The following TRAF5 variants were observed in gnomAD, a reference collection of about 807,000 sequenced individuals.
TRAF5 encodes TNF receptor-associated factor 5.
TRAF5 carries 48 observed loss-of-function variants against 64.5 expected under a neutral mutation model. That is an observed-to-expected ratio of 0.74 (90% confidence interval 0.59 to 0.95). TRAF5 has a LOEUF of 0.95. Ranked by LOEUF, TRAF5 falls within the 40% of genes least tolerant of loss-of-function variation. The pLI, the probability that TRAF5 is intolerant of heterozygous loss-of-function variation, is 0.00. For synonymous variants in TRAF5, 206 were observed against 240.5 expected, an observed-to-expected ratio of 0.86 and a Z score of 1.33; for missense variants, 545 against 662.8, an observed-to-expected ratio of 0.82 and a Z score of 1.95.
At chr1:211,326,752 C>A, upstream of TRAF5, 17 of 985,290 alleles carry the variant, frequency 1.7e-5, no homozygotes, top group Non-Finnish European at 1.9e-5. This position sits in a 1 kb window ranked among gnomAD's most constrained non-coding sequence, Gnocchi z 5.0. Flanking sequence ...TCTTCCCCTG[C>A]GCCCGCCCGC....
chr1:211,348,410 T>G (rs1702680230), intron 1 of TRAF5, among the ~76,000 whole-genome samples: 1 of 152,200 alleles, frequency 6.6e-6, no homozygotes, highest in Admixed American at 6.5e-5. Context: ...AAACAAAAAC[T>G]CTTAGGGGTC....
At position 211,351,431 on chromosome 1, in the gene TRAF5, G is replaced by A. The variant is rs373778370; in HGVS notation, c.-1-1808G>A. 2.6e-5 allele frequency among the ~76,000 whole-genome samples: 4 copies of A among 151,998 alleles called. No individual in the cohort carries two copies. In the East Asian group the frequency reaches 7.7e-4, roughly 29 times the overall value. Reference sequence around the variant, plus strand: ...CACCTCCTAATACTGTCACATGGGGGGTTAGAATTTCCACATATAAATTTT... The same window carrying A: ...CACCTCCTAATACTGTCACATGGGGAGTTAGAATTTCCACATATAAATTTT... On this transcript the variant is annotated intron_variant, in intron 1 of 10. Coordinates refer to ENST00000261464, the MANE Select transcript of TRAF5 (RefSeq NM_001033910.3).
intron 9 of TRAF5, among the ~76,000 whole-genome samples, chr1:211,371,094 G>A (rs1703506983): frequency 6.6e-6 from 1 of 152,212 alleles, no homozygotes; most frequent in East Asian, 1.9e-4. Flanking sequence ...TTTAGAACAG[G>A]AGCTGTGGTA....
At position 211,353,499 on chromosome 1, in the gene TRAF5, G is replaced by A. The variant is rs774912085; in HGVS notation, c.218+42G>A. The A allele has an allele frequency of 5.9e-5, 92 of 1,571,848 alleles. No homozygotes were observed. In the Admixed American group the frequency reaches 1.6e-3, roughly 28 times the overall value. ...TGCAACTCTGGCCATGGCAGTCCTA[G>A]CATCCAGGTGGCAACTGTGGCCACT... On this transcript the variant is annotated intron_variant, in intron 2 of 10. Coordinates refer to ENST00000261464, the MANE Select transcript of TRAF5 (RefSeq NM_001033910.3).
chr1:211,362,971 G>A (rs1242927285), intron 7 of TRAF5, among the ~76,000 whole-genome samples: 1 of 152,040 alleles, frequency 6.6e-6, no homozygotes, highest in African/African-American at 2.4e-5. Context: ...TAGTATATGG[G>A]CAGTTCCAGA....
At chr1:211,341,736 G>A (rs2102723698) in intron 1 of TRAF5, among the ~76,000 whole-genome samples, 1 of 152,310 alleles carries the variant, frequency 6.6e-6, no homozygotes, top group East Asian at 1.9e-4. Flanking sequence ...TCCAGGGGGT[G>A]GGGAATTTGG....
At chr1:211,347,799 AG>A (rs1446152543) in intron 1 of TRAF5, among the ~76,000 whole-genome samples, 1 of 152,240 alleles carries the variant, frequency 6.6e-6, no homozygotes, top group African/African-American at 2.4e-5. Context: ...AGCTCTTACT[AG>A]GAAGTCACTT....
chr1:211,335,839 G>A (rs1702275298), intron 1 of TRAF5, among the ~76,000 whole-genome samples: 1 of 152,212 alleles, frequency 6.6e-6, no homozygotes, highest in South Asian at 2.1e-4. Context: ...AGAGGTGGAG[G>A]ACAGGTGGGG....
chr1:211,359,787 G>A, intron 4 of TRAF5, 125 bp from the exon 5 acceptor site: 3 of 1,104,734 alleles, frequency 2.7e-6, no homozygotes, highest in Non-Finnish European at 4.0e-6. Context: ...CCTCTGCCTT[G>A]CCCTGTGCAA....
intron 1 of TRAF5, among the ~76,000 whole-genome samples, chr1:211,333,652 C>T (rs2102711163): frequency 6.6e-6 from 1 of 152,256 alleles, no homozygotes; most frequent in South Asian, 2.1e-4. Flanking sequence ...CACCCACCAG[C>T]AGGCCTGGCT....
intron 4 of TRAF5, chr1:211,357,587 T>TTTCCCCCC (rs1703007339): frequency 6.6e-6 from 1 of 151,520 alleles, no homozygotes; most frequent in Non-Finnish European, 1.5e-5. Flanking sequence ...ATTCCTTGTT[T>TTTCCCCCC]CCCACCCACC....
intron 1 of TRAF5, among the ~76,000 whole-genome samples, chr1:211,339,461 G>T (rs1024132453): frequency 2.0e-5 from 3 of 152,100 alleles, no homozygotes; most frequent in South Asian, 4.2e-4. Flanking sequence ...ACTCGGTTTG[G>T]TAAGTTTCAC....
intron 1 of TRAF5, among the ~76,000 whole-genome samples, chr1:211,329,257 G>A (rs902923619): frequency 6.6e-6 from 1 of 152,220 alleles, no homozygotes; most frequent in African/African-American, 2.4e-5. Flanking sequence ...TTGCTGAATC[G>A]AATTGAATTC....
At chr1:211,342,247 G>A (rs1463563357) in intron 1 of TRAF5, among the ~76,000 whole-genome samples, 3 of 152,088 alleles carry the variant, frequency 2.0e-5, no homozygotes, top group African/African-American at 7.2e-5. Context: ...TAGTATTGAC[G>A]TATTTAATCT....
At chr1:211,337,018 C>T (rs552464844) in intron 1 of TRAF5, among the ~76,000 whole-genome samples, 2 of 152,210 alleles carry the variant, frequency 1.3e-5, no homozygotes, top group African/African-American at 4.8e-5. Flanking sequence ...AGGCGTGAGC[C>T]GCTGCACCTG....
intron 1 of TRAF5, among the ~76,000 whole-genome samples, chr1:211,352,298 A>G (rs1355916070): frequency 1.3e-5 from 2 of 152,024 alleles, no homozygotes; most frequent in Non-Finnish European, 2.9e-5. Context: ...TTATAAAGCC[A>G]TCAGATCTCA....
chr1:211,363,998 A>G (rs1186981898), intron 7 of TRAF5, among the ~76,000 whole-genome samples: 3 of 150,962 alleles, frequency 2.0e-5, no homozygotes, highest in Admixed American at 6.6e-5. Context: ...GTTGGTTTGT[A>G]TTCTAGAACT....
intron 1 of TRAF5, among the ~76,000 whole-genome samples, chr1:211,333,890 C>T (rs1702225092): frequency 6.6e-6 from 1 of 152,150 alleles, no homozygotes; most frequent in African/African-American, 2.4e-5. Flanking sequence ...TGTTCAAAAC[C>T]ATTAATCCAT....
At chr1:211,360,981 CCTT>C in intron 6 of TRAF5, 104 bp from the exon 7 acceptor site, 3 of 1,190,904 alleles carry the variant, frequency 2.5e-6, no homozygotes, top group Non-Finnish European at 2.5e-6. Flanking sequence ...AGGCCTCTCT[CCTT>C]CTCCTGGTCC....
Sources: allele counts gnomAD v4.1 joint callset (sites outside exome capture counted in the v4.1 genomes callset), GRCh38; gene constraint gnomAD v4.1.1; non-coding constraint Gnocchi (gnomAD v3.1); transcripts MANE v1.5; gene names NCBI Gene and HGNC (gene_info 2026-07-23, HGNC 2026-07-21).